Variants in EFHB observed in about 807,000 individuals in gnomAD.
EFHB encodes EF-hand domain-containing family member B.
In EFHB, 91 loss-of-function variants were observed where a neutral mutation model predicts 87.2. That is an observed-to-expected ratio of 1.04 (90% CI 0.88 to 1.24). The LOEUF (loss-of-function observed/expected upper bound fraction) is 1.24, where lower values mean the gene tolerates loss of function less well. Ranked by LOEUF, EFHB falls within the 50% of genes most tolerant of loss-of-function variation. The pLI is 0.00. For missense variants in EFHB, 1,084 were observed against 998.8 expected (o/e 1.09, Z -1.15); for synonymous variants, 325 against 333.6 (o/e 0.97, Z 0.28).
chr3:19,924,339 G>A (rs1363128800), intron 1 of EFHB, among the ~76,000 whole-genome samples: 1 of 151,118 alleles, frequency 6.6e-6, no homozygotes, highest in South Asian at 2.1e-4. Flanking sequence ...TCAGCCTCCC[G>A]AGTAGCTGGG....
intron 5 of EFHB, among the ~76,000 whole-genome samples, chr3:19,906,320 C>T (rs1286106623): frequency 6.6e-6 from 1 of 152,080 alleles, no homozygotes; most frequent in Non-Finnish European, 1.5e-5. Flanking sequence ...CAGAGTGAGG[C>T]TCTTTCTCAA....
intron 10 of EFHB, among the ~76,000 whole-genome samples, chr3:19,888,217 C>T (rs970706378): frequency 6.6e-6 from 1 of 151,612 alleles, no homozygotes; most frequent in African/African-American, 2.4e-5. Context: ...AATTAAAATA[C>T]AGAAGTCCAT....
At chr3:19,891,000 T>C (rs1694287658) in intron 9 of EFHB, among the ~76,000 whole-genome samples, 1 of 152,174 alleles carries the variant, frequency 6.6e-6, no homozygotes, top group African/African-American at 2.4e-5. Flanking sequence ...TATTCAAGAA[T>C]GCAGCCAGCC....
At chr3:19,887,937 T>A (rs1354239051) in intron 10 of EFHB, among the ~76,000 whole-genome samples, 1 of 152,188 alleles carries the variant, frequency 6.6e-6, no homozygotes, top group Non-Finnish European at 1.5e-5. Context: ...TGAGCTTCAG[T>A]GTAAGTTTTG....
At position 19,899,545 on chromosome 3, in the gene EFHB, C is replaced by G. The variant is rs747685952; in HGVS notation, c.1419-30G>C. 2.6e-6 allele frequency: 4 copies of G among 1,538,174 alleles called. No individual in the cohort carries two copies. The South Asian group carries it at 4.9e-5, about 19-fold the overall frequency. ...AAAATTAGAACATTATCAGGTATCTCTATTACCTAAAGTATTCTTGGCTGC... is the reference window on the plus strand; with the variant it reads ...AAAATTAGAACATTATCAGGTATCTGTATTACCTAAAGTATTCTTGGCTGC... On this transcript the variant is annotated intron_variant, in intron 6 of 12. Coordinates refer to ENST00000295824, the MANE Select transcript of EFHB (RefSeq NM_144715.4).
At chr3:19,890,041 T>C (rs1295237297) in intron 9 of EFHB, among the ~76,000 whole-genome samples, 1 of 152,154 alleles carries the variant, frequency 6.6e-6, no homozygotes, top group Admixed American at 6.5e-5. Context: ...ACACTCATCC[T>C]AGCTGAAAAG....
chr3:19,930,550 T>C (rs1260414485), intron 1 of EFHB, among the ~76,000 whole-genome samples: 1 of 152,234 alleles, frequency 6.6e-6, no homozygotes, highest in African/African-American at 2.4e-5. Flanking sequence ...ATTCTTTTTC[T>C]ATTATGTCGT....
chr3:19,944,604 C>A (rs954060206), intron 1 of EFHB, among the ~76,000 whole-genome samples: 1 of 152,170 alleles, frequency 6.6e-6, no homozygotes, highest in African/African-American at 2.4e-5. Context: ...GCCACCAGGG[C>A]AGCACTCTTC....
intron 6 of EFHB, among the ~76,000 whole-genome samples, chr3:19,900,049 G>T (rs1694618779): frequency 6.6e-6 from 1 of 152,050 alleles, no homozygotes; most frequent in African/African-American, 2.4e-5. Context: ...CTCCAGCCTG[G>T]GTGACAGAGT....
chr3:19,943,225 T>C (rs1392747049), intron 1 of EFHB: 9 of 261,898 alleles, frequency 3.4e-5, no homozygotes, highest in Middle Eastern at 1.0e-3. Flanking sequence ...TCCCTGATCA[T>C]TGGCAATTAC....
chr3:19,902,217 C>A (rs568730553), intron 6 of EFHB, among the ~76,000 whole-genome samples: 1 of 152,142 alleles, frequency 6.6e-6, no homozygotes, highest in Non-Finnish European at 1.5e-5. Flanking sequence ...TTCACACATG[C>A]GCACAAACAC....
Position 19,905,649 on chromosome 3 carries a change from T to A in EFHB, c.1389A>T (p.Lys463Asn). The A allele has an allele frequency of 6.2e-7, 1 of 1,613,770 alleles. No homozygotes were observed. Among genetic ancestry groups the A allele is most frequent in the Non-Finnish European group, 8.5e-7 (1 of 1,179,746 alleles). ...PHFNDGRAMA[K>N]SLYWLHELQM... ...GTAGTTCATGGAGCCAATATAGAGA[T>A]TTTGCCATGGCTCGTCCATCATTAA... Residue 463 changes from lysine (K) to asparagine (N), a missense_variant, in exon 6 of 13, where the codon AAA (lysine) becomes AAT (asparagine). Physicochemically the swap from Lys to Asn is moderately conservative, Grantham distance 94 (BLOSUM62 0). Transcript: ENST00000295824.
At chr3:19,925,666 A>C (rs1695598822) in intron 1 of EFHB, among the ~76,000 whole-genome samples, 1 of 152,116 alleles carries the variant, frequency 6.6e-6, no homozygotes, top group South Asian at 2.1e-4. Flanking sequence ...CTCAACCCCC[A>C]GTGTTACAGG....
chr3:19,923,273 G>GAA (rs200670155), intron 1 of EFHB, among the ~76,000 whole-genome samples: 1 of 127,338 alleles, frequency 7.9e-6, no homozygotes. Flanking sequence ...GTCTCAAAAG[G>GAA]AAAAAAAAAA....
chr3:19,918,948 C>G (rs947131468), intron 3 of EFHB, among the ~76,000 whole-genome samples: 3 of 146,462 alleles, frequency 2.0e-5, no homozygotes, highest in Non-Finnish European at 4.5e-5. Context: ...CCACTGCACT[C>G]CAGCCTGGGC....
chr3:19,914,479 G>A (rs1246669637), intron 5 of EFHB, among the ~76,000 whole-genome samples: 2 of 151,874 alleles, frequency 1.3e-5, no homozygotes, highest in Non-Finnish European at 2.9e-5. Flanking sequence ...TTTTAATTGT[G>A]CTATGGAATA....
intron 1 of EFHB, among the ~76,000 whole-genome samples, chr3:19,944,230 C>T (rs1275864267): frequency 1.3e-5 from 2 of 152,190 alleles, no homozygotes; most frequent in African/African-American, 2.4e-5. Flanking sequence ...TCTTTAGCTA[C>T]ACAAGGGAGG....
At chr3:19,883,060 G>A (rs575608533) in intron 11 of EFHB, among the ~76,000 whole-genome samples, 1 of 151,906 alleles carries the variant, frequency 6.6e-6, no homozygotes, top group Admixed American at 6.6e-5. Context: ...GAATGCAGTG[G>A]CATGATCACA....
At chr3:19,926,598 C>T (rs527289118) in intron 1 of EFHB, among the ~76,000 whole-genome samples, 78 of 152,086 alleles carry the variant, frequency 5.1e-4, no homozygotes, top group African/African-American at 1.6e-3. Flanking sequence ...CTCCTGACTT[C>T]GTGATCCCGT....
Sources: allele counts gnomAD v4.1 joint callset (sites outside exome capture counted in the v4.1 genomes callset), GRCh38; gene constraint gnomAD v4.1.1; transcripts MANE v1.5; gene names NCBI Gene and HGNC (gene_info 2026-07-23, HGNC 2026-07-21).